GPHN: variants seen among roughly 807,000 people sequenced by gnomAD.
The protein encoded by GPHN is gephyrin.
A neutral mutation model predicts 95.5 loss-of-function variants in GPHN; 17 were observed. The observed-to-expected ratio is 0.18, with a 90% CI of 0.12 to 0.27. The LOEUF (loss-of-function observed/expected upper bound fraction) is 0.27, where lower values mean the gene tolerates loss of function less well. Ranked by LOEUF, GPHN falls within the 10% of genes least tolerant of loss-of-function variation. GPHN has a pLI of 1.00. For synonymous variants in GPHN, 320 were observed against 322.5 expected (o/e 0.99, Z 0.08); for missense variants, 660 against 978.1 (o/e 0.67, Z 4.34).
chr14:66,669,051 G>A (rs962049239), intron 1 of GPHN, among the ~76,000 whole-genome samples: 8 of 151,604 alleles, frequency 5.3e-5, no homozygotes, highest in East Asian at 2.0e-4. Flanking sequence ...TAGCTAGGCC[G>A]GTCCTTTCCT....
chr14:67,335,253 A>T, the GPHN span: 1 of 152,372 alleles, frequency 6.6e-6, no homozygotes, highest in South Asian at 2.1e-4. Context: ...CATAGTCCTT[A>T]AAGTGAAAAC....
At chr14:66,669,603 A>AT (rs979682419) in intron 1 of GPHN, among the ~76,000 whole-genome samples, 3 of 149,314 alleles carry the variant, frequency 2.0e-5, no homozygotes, top group East Asian at 2.0e-4. Flanking sequence ...TGGGGACTTT[A>AT]TTTTTTTTTC....
the GPHN span, among the ~76,000 whole-genome samples, chr14:67,207,859 T>G: frequency 1.3e-5 from 2 of 152,176 alleles, no homozygotes; most frequent in African/African-American, 2.4e-5. Flanking sequence ...AAACTCAGAC[T>G]GGGGAATCAG....
At chr14:66,641,663 AAAAAG>A (rs979328731) in intron 1 of GPHN, among the ~76,000 whole-genome samples, 14 of 151,346 alleles carry the variant, frequency 9.3e-5, no homozygotes, top group African/African-American at 3.1e-4. Flanking sequence ...ACAAAAAAAA[AAAAAG>A]AGAGAGGTAG....
chr14:67,571,853 T>C, the GPHN span: 10 of 1,613,678 alleles, frequency 6.2e-6, no homozygotes, highest in Non-Finnish European at 8.5e-6. Context: ...TCCCCTCCTC[T>C]GAGTCCAGGA....
chr14:67,393,578 G>A, the GPHN span, among the ~76,000 whole-genome samples: 7 of 152,064 alleles, frequency 4.6e-5, no homozygotes, highest in East Asian at 5.8e-4. Context: ...CTCAACCTCC[G>A]GAGCAGCTGG....
intron 1 of GPHN, among the ~76,000 whole-genome samples, chr14:66,615,913 G>A (rs2062997857): frequency 6.6e-6 from 1 of 151,938 alleles, no homozygotes; most frequent in East Asian, 1.9e-4. Flanking sequence ...TGTAAGGAAG[G>A]GTCCAGTTTC....
intron 9 of GPHN, among the ~76,000 whole-genome samples, chr14:67,016,378 GA>G (rs2073312804): frequency 6.6e-6 from 1 of 151,804 alleles, no homozygotes; most frequent in Non-Finnish European, 1.5e-5. Context: ...ACTAGGAGCA[GA>G]TCTAATAACT....
At chr14:67,569,083 G>A in the GPHN span, 2 of 1,201,790 alleles carry the variant, frequency 1.7e-6, no homozygotes, top group Non-Finnish European at 2.5e-6. Flanking sequence ...ATGCCTGGAG[G>A]GGGTGGGATG....
intron 12 of GPHN, among the ~76,000 whole-genome samples, chr14:67,093,814 C>T (rs1416423709): frequency 1.3e-5 from 2 of 152,018 alleles, no homozygotes; most frequent in Non-Finnish European, 2.9e-5. Context: ...AGTATGAATC[C>T]TCTTATTCCA....
Position 67,100,877 on chromosome 14 carries a change from G to A in GPHN, c.1259G>A (p.Arg420His), listed in dbSNP as rs1270057209. 1.2e-6 allele frequency: 2 copies of A among 1,608,042 alleles called. No individual in the cohort carries two copies. Among genetic ancestry groups the A allele is most frequent in the Admixed American group, 1.7e-5 (1 of 60,008 alleles). Residue 420 changes from arginine (R) to histidine (H), a missense_variant, in exon 13 of 23, where the codon CGT becomes CAT. This residue lies in a region of GPHN where 257 missense variants were observed against 376.2 expected (regional missense o/e 0.68). Coordinates refer to ENST00000478722, the MANE Select transcript of GPHN (RefSeq NM_020806.5). ...ACAGCTGCTGATGGCCCAGGAGATC[G>A]TTTCATCATTGGGGAATCCCAAGCT... ...AVRAADGPGD[R>H]FIIGESQAGE... is the part of the protein sequence containing the mutation.
intron 10 of GPHN, among the ~76,000 whole-genome samples, chr14:67,035,313 C>A (rs1427080145): frequency 6.6e-6 from 1 of 151,696 alleles, no homozygotes; most frequent in South Asian, 2.1e-4. Context: ...AAATCAGCAA[C>A]CTAACTTTTT....
the GPHN span, chr14:67,692,523 C>T: frequency 6.1e-5 from 98 of 1,613,474 alleles, 1 homozygote; most frequent in African/African-American, 1.0e-3. Context: ...GGTTCCCTGT[C>T]GTGGTCTGGA....
At chr14:67,412,566 G>C in the GPHN span, among the ~76,000 whole-genome samples, 914 of 152,260 alleles carry the variant, frequency 6.0e-3, 13 homozygotes, top group African/African-American at 0.021. Flanking sequence ...GGGCAGAGAA[G>C]ACCTCTCAGT....
At chr14:67,393,392 A>C in the GPHN span, 1 of 682,176 alleles carries the variant, frequency 1.5e-6, no homozygotes, top group Non-Finnish European at 2.7e-6. Flanking sequence ...CAGCCTTTTG[A>C]ATGGCAAGAG....
chr14:67,112,848 T>TA (rs1377333253), intron 15 of GPHN, among the ~76,000 whole-genome samples, 170 bp from the exon 16 acceptor site: 1 of 152,346 alleles, frequency 6.6e-6, no homozygotes, highest in South Asian at 2.1e-4. Context: ...CTTTTAAAAT[T>TA]AAAAAAGCAT....
chr14:67,600,249 T>C, the GPHN span: 7 of 1,471,366 alleles, frequency 4.8e-6, no homozygotes, highest in Non-Finnish European at 6.3e-6. Context: ...TGCACTGCGC[T>C]CGCCGGCCCT....
intron 11 of GPHN, among the ~76,000 whole-genome samples, chr14:67,066,197 G>A (rs2076051215): frequency 6.6e-6 from 1 of 151,950 alleles, no homozygotes; most frequent in African/African-American, 2.4e-5. Flanking sequence ...CATTTATGTT[G>A]GCTGGATATG....
the GPHN span, chr14:67,600,175 A>G: frequency 6.3e-7 from 1 of 1,589,140 alleles, no homozygotes; most frequent in Non-Finnish European, 8.6e-7. Context: ...GCCGCCGCAG[A>G]TATCCGAAAA....
Sources: gnomAD v4.1 joint callset for allele counts (sites outside exome capture counted in the v4.1 genomes callset) on GRCh38, gnomAD v4.1.1 for gene constraint, gnomAD v4.1.1 regional missense constraint, MANE v1.5 for transcripts, NCBI Gene and HGNC (gene_info 2026-07-23, HGNC 2026-07-21) for gene names.